Variants in FAM107A observed in about 807,000 individuals in gnomAD.
FAM107A encodes the protein actin-associated protein FAM107A.
FAM107A carries 19 observed loss-of-function variants against 13.7 expected under a neutral mutation model. That is an observed-to-expected ratio of 1.38 (90% CI 0.97 to 2.03). The LOEUF (loss-of-function observed/expected upper bound fraction) is 2.03. FAM107A is among the 30% of genes most tolerant of loss of function. FAM107A has a pLI of 0.00. For missense variants in FAM107A, 203 were observed against 184.4 expected, an observed-to-expected ratio of 1.10 and a Z score of -0.58; for synonymous variants, 82 against 74.5, an observed-to-expected ratio of 1.10 and a Z score of -0.52.
In FAM107A at chr3:58,566,641, T is replaced by C; in HGVS notation, c.382A>G (p.Arg128Gly). Residue 128 changes from arginine (R) to glycine (G), a missense_variant, in exon 4 of 4, where the codon AGG becomes GGG. Arg to Gly is a moderately radical substitution (Grantham distance 125, BLOSUM62 -2). Transcript: ENST00000360997. ...GTGGCAATTCTCCGCAGGTTTTCCC[T>C]GACTTTAATAAACTCGGGGGCGTGA... ...EDHAPEFIKVRENLRRIATLT... is the reference protein window; with the variant it reads ...EDHAPEFIKVGENLRRIATLT... 1 of 1,614,060 alleles carries C rather than the reference T, an allele frequency of 6.2e-7. No individual in the cohort carries two copies. The highest frequency in any genetic ancestry group is 8.5e-7 in the Non-Finnish European group (1 of 1,179,958).
chr3:58,589,614 A>G (rs1417347498), upstream of FAM107A, among the ~76,000 whole-genome samples: 3 of 152,244 alleles, frequency 2.0e-5, no homozygotes, highest in Non-Finnish European at 4.4e-5. Flanking sequence ...CACCTTACAT[A>G]TATGCAGCTG....
chr3:58,622,786 G>A (rs2065968957), intron 1 of FAM107A, among the ~76,000 whole-genome samples: 1 of 152,090 alleles, frequency 6.6e-6, no homozygotes, highest in African/African-American at 2.4e-5. Flanking sequence ...CTCTGCCTTT[G>A]TTGGGGGGGA....
rs2065873642 is a variant in FAM107A, at chr3:58,613,512, G to A, written c.-70+13904C>T. Among the ~76,000 whole-genome samples, 1 of 152,140 alleles carries A rather than the reference G, an allele frequency of 6.6e-6. No individual in the cohort carries two copies. The highest frequency in any genetic ancestry group is 6.5e-5 in the Admixed American group (1 of 15,270). On this transcript the variant is annotated intron_variant, in intron 1 of 3. Coordinates refer to the FAM107A transcript ENST00000465970. The surrounding 1 kb of genome is among the most constrained non-coding windows in gnomAD (Gnocchi z 4.6). Reference sequence around the variant, plus strand: ...CTGCCCAGCCCCTGCCTGCTGCTCTGGCCTGACCAACTTGCTCTCAGTGCC... The same window carrying A: ...CTGCCCAGCCCCTGCCTGCTGCTCTAGCCTGACCAACTTGCTCTCAGTGCC...
intron 1 of FAM107A, among the ~76,000 whole-genome samples, chr3:58,584,184 G>A (rs1321955031): frequency 6.6e-6 from 1 of 152,178 alleles, no homozygotes; most frequent in Admixed American, 6.5e-5. Context: ...TGAGTTGTAT[G>A]ACCTTAGACA....
At chr3:58,587,086 G>A in exon 1 of FAM107A, 3 of 1,366,848 alleles carry the variant, frequency 2.2e-6, no homozygotes, top group East Asian at 3.0e-5. Context: ...CGGCCGGAGG[G>A]GCGGGCGAGG....
At chr3:58,578,940 T>TACCATG (rs1383567568), upstream of FAM107A, among the ~76,000 whole-genome samples, 10 of 152,350 alleles carry the variant, frequency 6.6e-5, no homozygotes, top group African/African-American at 2.4e-4. Flanking sequence ...ATTCCTACTG[T>TACCATG]GTTCCTGGCA....
intron 1 of FAM107A, among the ~76,000 whole-genome samples, chr3:58,594,740 TACTC>T (rs1236327396): frequency 2.0e-5 from 3 of 152,154 alleles, no homozygotes; most frequent in East Asian, 1.9e-4. Flanking sequence ...GGCCTCCACT[TACTC>T]ACTGCTGAAA....
At chr3:58,621,991 T>C (rs938455724) in intron 1 of FAM107A, among the ~76,000 whole-genome samples, 1 of 152,088 alleles carries the variant, frequency 6.6e-6, no homozygotes, top group Non-Finnish European at 1.5e-5. Context: ...CCTAGCTCAG[T>C]GTCAGGTGGG....
At chr3:58,590,506 T>C (rs151208357), upstream of FAM107A, among the ~76,000 whole-genome samples, 1,540 of 152,314 alleles carry the variant, frequency 0.01, 35 homozygotes, top group African/African-American at 0.035. Flanking sequence ...AGATACTACC[T>C]GAGACTGGGT....
intron 2 of FAM107A, among the ~76,000 whole-genome samples, chr3:58,567,977 C>T (rs752773964): frequency 5.9e-5 from 9 of 152,118 alleles, no homozygotes; most frequent in Non-Finnish European, 7.4e-5. Context: ...TGCTCTGTTG[C>T]CCAGGCTGGA....
chr3:58,608,833 G>A (rs2065824899), intron 1 of FAM107A: 1 of 152,284 alleles, frequency 6.6e-6, no homozygotes, highest in Admixed American at 6.5e-5. Flanking sequence ...GGGCAGAGGA[G>A]CGGGCAGGCA....
chr3:58,600,848 A>G (rs79271531), intron 1 of FAM107A, among the ~76,000 whole-genome samples: 5,594 of 152,250 alleles, frequency 0.037, 220 homozygotes, highest in East Asian at 0.16. Context: ...CCAGCCCACC[A>G]CAAGGGACTC....
At chr3:58,594,736 C>A (rs1215871744) in intron 1 of FAM107A, among the ~76,000 whole-genome samples, 1 of 152,122 alleles carries the variant, frequency 6.6e-6, no homozygotes, top group Non-Finnish European at 1.5e-5. Flanking sequence ...AATAGGCCTC[C>A]ACTTACTCAC....
Position 58,566,598 on chromosome 3 carries a change from C to G in FAM107A, c.425G>C (p.Arg142Thr), listed in dbSNP as rs773474206. The change falls in exon 4 of 4, where the codon AGA becomes ACA. Residue 142 changes from arginine (R) to threonine (T), a missense_variant. By Grantham distance (71) the Arg-to-Thr change is moderately conservative (BLOSUM62 -1). Coordinates refer to ENST00000360997, the MANE Select transcript of FAM107A (RefSeq NM_001076778.3). ...RRIATLTSEEREL is the reference protein window; with the variant it reads ...RRIATLTSEETEL The stretch of plus-strand genomic sequence containing the variant: ...GCCCGGCAGCTGGCCCTACAGCTCT[C>G]TCTCTTCGCTGGTCAGTGTGGCAAT... The G allele has an allele frequency of 3.7e-6, 6 of 1,613,210 alleles. No individual in the cohort carries two copies. The South Asian group carries it at 4.4e-5, about 12-fold the overall frequency.
intron 1 of FAM107A, among the ~76,000 whole-genome samples, chr3:58,586,195 T>C (rs1319636877): frequency 8.1e-6 from 1 of 123,860 alleles, no homozygotes; most frequent in Admixed American, 7.6e-5. Flanking sequence ...CGTGCCCATT[T>C]TCCTCTCTCC....
chr3:58,618,081 A>G (rs930045993), intron 1 of FAM107A, among the ~76,000 whole-genome samples: 3 of 152,176 alleles, frequency 2.0e-5, no homozygotes, highest in African/African-American at 4.8e-5. Flanking sequence ...TGGAAGTTCA[A>G]TTATTAGAAG....
chr3:58,575,978 G>GGAGAA (rs1180224097), intron 1 of FAM107A, among the ~76,000 whole-genome samples: 1 of 152,228 alleles, frequency 6.6e-6, no homozygotes, highest in Non-Finnish European at 1.5e-5. Context: ...CCAGGGCAGA[G>GGAGAA]GAGAAGAGAG....
At chr3:58,623,504 T>G (rs1047839929) in intron 1 of FAM107A, among the ~76,000 whole-genome samples, 1 of 152,214 alleles carries the variant, frequency 6.6e-6, no homozygotes. Context: ...CACTGAGTGC[T>G]GGGCACCTCG....
intron 1 of FAM107A, among the ~76,000 whole-genome samples, chr3:58,570,829 G>A (rs1575438802): frequency 2.0e-5 from 3 of 152,284 alleles, no homozygotes; most frequent in South Asian, 2.1e-4. Context: ...TGCAGTAGGC[G>A]ATCAATACAC....
Sources: allele counts gnomAD v4.1 joint callset (sites outside exome capture counted in the v4.1 genomes callset), GRCh38; gene constraint gnomAD v4.1.1; non-coding constraint Gnocchi (gnomAD v3.1); transcripts MANE v1.5; gene names NCBI Gene and HGNC (gene_info 2026-07-23, HGNC 2026-07-21).